The following AK3 variants were observed in gnomAD, a reference collection of about 807,000 sequenced individuals.
The protein encoded by AK3 is GTP:AMP phosphotransferase AK3, mitochondrial.
AK3 carries 27 observed loss-of-function variants against 23.7 expected under a neutral mutation model. That is an observed-to-expected ratio of 1.14 (90% CI 0.84 to 1.57). The LOEUF (loss-of-function observed/expected upper bound fraction) is 1.57. AK3 is among the 40% of genes most tolerant of loss of function. AK3 has a pLI of 0.00. For missense variants in AK3, 406 were observed against 285.6 expected, an observed-to-expected ratio of 1.42 and a Z score of -3.04; for synonymous variants, 159 against 116.0, an observed-to-expected ratio of 1.37 and a Z score of -2.38.
chr9:4,713,405 A>C (rs1841615138), intron 4 of AK3, among the ~76,000 whole-genome samples: 1 of 152,178 alleles, frequency 6.6e-6, no homozygotes, highest in Admixed American at 6.5e-5. Flanking sequence ...AGTTTGTTTA[A>C]TCCTTTCCAA....
intron 2 of AK3, among the ~76,000 whole-genome samples, chr9:4,720,329 A>T (rs573907247): frequency 2.9e-3 from 446 of 152,328 alleles, no homozygotes; most frequent in South Asian, 4.6e-3. Flanking sequence ...GTTACTAAGG[A>T]CATTTTGTCC....
intron 2 of AK3, among the ~76,000 whole-genome samples, chr9:4,719,553 T>C (rs1005255434): frequency 2.0e-5 from 3 of 152,188 alleles, no homozygotes; most frequent in Non-Finnish European, 4.4e-5. Flanking sequence ...TCTGTCAGGC[T>C]GCTTTTGTTA....
At chr9:4,721,171 G>C (rs565377873) in intron 2 of AK3, among the ~76,000 whole-genome samples, 22 of 152,270 alleles carry the variant, frequency 1.4e-4, no homozygotes, top group African/African-American at 5.1e-4. Context: ...TGGAGGCTGA[G>C]GTGGGCAGAT....
At chr9:4,733,988 T>C (rs1460084300) in intron 1 of AK3, among the ~76,000 whole-genome samples, 1 of 152,214 alleles carries the variant, frequency 6.6e-6, no homozygotes, top group African/African-American at 2.4e-5. Flanking sequence ...ATCACTCCAA[T>C]GACCGTGTTT....
intron 4 of AK3, among the ~76,000 whole-genome samples, 163 bp downstream of exon 4, chr9:4,718,256 C>T (rs1230762646): frequency 6.6e-6 from 1 of 152,216 alleles, no homozygotes; most frequent in Non-Finnish European, 1.5e-5. Context: ...CCCAACCTAC[C>T]TTCTGGACTT....
intron 1 of AK3, among the ~76,000 whole-genome samples, chr9:4,723,326 A>T (rs1277892548): frequency 6.6e-6 from 1 of 152,220 alleles, no homozygotes; most frequent in Non-Finnish European, 1.5e-5. Flanking sequence ...TGAAATCATC[A>T]TTATTTTGAA....
In AK3 at chr9:4,710,242, C is replaced by G. The variant is rs1256362039; in HGVS notation, c.*2734G>C. 1 of 152,280 alleles carries G rather than the reference C, an allele frequency of 6.6e-6. No individual in the cohort carries two copies. Among genetic ancestry groups the G allele is most frequent in the Non-Finnish European group, 1.5e-5 (1 of 68,164 alleles). 9.4% of individuals were successfully genotyped at this position (152,280 alleles called of 1,614,324 possible). A position where few individuals can be genotyped will look rare whatever the true frequency, so the allele number is the denominator to read the frequency against. On this transcript the variant is annotated 3_prime_UTR_variant, in exon 5 of 5. Coordinates refer to ENST00000381809, the MANE Select transcript of AK3 (RefSeq NM_016282.4). ...TTTTTTTTTGAGACGGAGTCTCCCT[C>G]TGTCGCCCAGGCTGGAGTGCAGTGG...
rs1554627058 is a variant in AK3, at chr9:4,729,016, T to TATATA, written c.152-6392_152-6391insTATAT. Reference sequence around the variant, plus strand: ...ACACACACATATATATATATATATATTTTTTTTTTTTGAGACGGAATTTTG... The same window carrying TATATA: ...ACACACACATATATATATATATATATATATATTTTTTTTTTTGAGACGGAATTTTG... On this transcript the variant is annotated intron_variant, in intron 1 of 4. Coordinates refer to ENST00000381809, the MANE Select transcript of AK3 (RefSeq NM_016282.4). Among the ~76,000 whole-genome samples, 32 of 57,266 alleles carry TATATA rather than the reference T, an allele frequency of 5.6e-4. 2 individuals are homozygous for TATATA. Among genetic ancestry groups the TATATA allele is most frequent in the African/African-American group, 2.1e-3 (29 of 14,104 alleles). The allele number at this position is 57,266 out of a possible 152,430, so 37.6% of individuals were successfully genotyped here. A position where few individuals can be genotyped will look rare whatever the true frequency, so the allele number is the denominator to read the frequency against.
At chr9:4,729,072 G>A (rs562935949) in intron 1 of AK3, among the ~76,000 whole-genome samples, 44 of 146,864 alleles carry the variant, frequency 3.0e-4, no homozygotes, top group African/African-American at 9.3e-4. Context: ...GTGCAATGGC[G>A]CAATCTTGGC....
intron 1 of AK3, among the ~76,000 whole-genome samples, chr9:4,734,652 T>C (rs1162056554): frequency 6.6e-6 from 1 of 152,240 alleles, no homozygotes; most frequent in Non-Finnish European, 1.5e-5. Context: ...TTTGAGACAG[T>C]ATTCATGACC....
intron 1 of AK3, among the ~76,000 whole-genome samples, chr9:4,738,214 G>A (rs558709200): frequency 2.0e-5 from 3 of 152,248 alleles, no homozygotes; most frequent in African/African-American, 7.2e-5. Context: ...CACCTAGGCT[G>A]GAATGCAATG....
chr9:4,737,402 C>T (rs768970099), intron 1 of AK3, among the ~76,000 whole-genome samples: 6 of 152,026 alleles, frequency 3.9e-5, no homozygotes, highest in Non-Finnish European at 8.8e-5. Flanking sequence ...ACCCTAATCC[C>T]CCAATAAATA....
At chr9:4,741,353 G>T (rs868189505), upstream of AK3, 307 of 336,808 alleles carry the variant, frequency 9.1e-4, 2 homozygotes, top group South Asian at 2.3e-3. Context: ...CGCAAGCCGC[G>T]CAAGCCGCGC....
At chr9:4,738,721 A>G (rs1842352746) in intron 1 of AK3, among the ~76,000 whole-genome samples, 1 of 151,558 alleles carries the variant, frequency 6.6e-6, no homozygotes, top group African/African-American at 2.4e-5. Flanking sequence ...ATTTGCATGA[A>G]ATAGATATAG....
intron 1 of AK3, among the ~76,000 whole-genome samples, chr9:4,724,399 G>A (rs1468878476): frequency 6.6e-6 from 1 of 152,116 alleles, no homozygotes; most frequent in African/African-American, 2.4e-5. Flanking sequence ...GTTAGAAGAT[G>A]GGGTTAATTA....
chr9:4,741,210 C>T, upstream of AK3: 2 of 1,125,834 alleles, frequency 1.8e-6, no homozygotes, highest in Non-Finnish European at 2.3e-6. Flanking sequence ...ACTGCGGTTC[C>T]CCGGCGTTCC....
intron 2 of AK3, among the ~76,000 whole-genome samples, chr9:4,722,000 T>C (rs1841910322): frequency 6.6e-6 from 1 of 152,234 alleles, no homozygotes; most frequent in African/African-American, 2.4e-5. Flanking sequence ...CTAGATTAGC[T>C]ATCCTCTTCC....
chr9:4,723,044 CT>C (rs1399772398), intron 1 of AK3, among the ~76,000 whole-genome samples: 1 of 150,762 alleles, frequency 6.6e-6, no homozygotes, highest in Non-Finnish European at 1.5e-5. Context: ...GCACTTCAGC[CT>C]GGGCAACAGA....
chr9:4,715,047 C>A (rs1045897744), intron 4 of AK3, among the ~76,000 whole-genome samples: 1 of 151,666 alleles, frequency 6.6e-6, no homozygotes, highest in Non-Finnish European at 1.5e-5. Context: ...GGCGAAACCC[C>A]GTCTCTACTA....
Sources: allele counts gnomAD v4.1 joint callset (sites outside exome capture counted in the v4.1 genomes callset), GRCh38; gene constraint gnomAD v4.1.1; transcripts MANE v1.5; gene names NCBI Gene and HGNC (gene_info 2026-07-23, HGNC 2026-07-21).